Variants in INPP4B observed in about 807,000 individuals in gnomAD.
INPP4B encodes inositol polyphosphate 4-phosphatase type II.
Under a neutral mutation model 122.5 loss-of-function variants are expected in INPP4B, and 55 were observed. That is an observed-to-expected ratio of 0.45 (90% CI 0.36 to 0.56). INPP4B has a LOEUF of 0.56. INPP4B is among the 20% of genes least tolerant of loss of function. INPP4B has a pLI of 0.00. For synonymous variants in INPP4B, 403 were observed against 388.7 expected (o/e 1.04, Z -0.43); for missense variants, 1,000 against 1,097.7 (o/e 0.91, Z 1.26).
At chr4:142,673,921 C>T (rs1018850620) in intron 2 of INPP4B, among the ~76,000 whole-genome samples, 1 of 152,246 alleles carries the variant, frequency 6.6e-6, no homozygotes, top group South Asian at 2.1e-4. Context: ...TTTCAGGCCC[C>T]AGGAACTCAT....
chr4:142,061,011 G>A (rs754888943), intron 25 of INPP4B, among the ~76,000 whole-genome samples: 6 of 152,132 alleles, frequency 3.9e-5, no homozygotes, highest in Admixed American at 2.0e-4. Context: ...GAGTTGGACC[G>A]ACTTTCACAT....
chr4:142,545,821 G>GTATATATATATATATATATATATATA (rs70949172), intron 2 of INPP4B, among the ~76,000 whole-genome samples: 2 of 111,920 alleles, frequency 1.8e-5, no homozygotes, highest in African/African-American at 3.7e-5. Context: ...ATACATGTGT[G>GTATATATATATATATATATATATATA]TATATATATA....
intron 9 of INPP4B, among the ~76,000 whole-genome samples, chr4:142,277,109 T>C (rs1184480086): frequency 6.6e-6 from 1 of 152,012 alleles, no homozygotes; most frequent in Non-Finnish European, 1.5e-5. Context: ...TATATGTTTG[T>C]TAGTCATTTG....
intron 23 of INPP4B, among the ~76,000 whole-genome samples, chr4:142,090,728 T>A (rs1387957339): frequency 2.0e-5 from 3 of 152,120 alleles, no homozygotes; most frequent in Non-Finnish European, 4.4e-5. Context: ...AAATGGAGTT[T>A]AAGAAAGTAT....
At chr4:142,732,417 AATG>A (rs1397636481) in intron 1 of INPP4B, among the ~76,000 whole-genome samples, 2 of 152,060 alleles carry the variant, frequency 1.3e-5, no homozygotes, top group East Asian at 3.8e-4. Flanking sequence ...TCTTTTAATA[AATG>A]ATGAAATACA....
At chr4:142,288,760 CAACACCTCTA>C (rs1257484688) in intron 9 of INPP4B, among the ~76,000 whole-genome samples, 7 of 152,026 alleles carry the variant, frequency 4.6e-5, no homozygotes, top group Non-Finnish European at 1.0e-4. Flanking sequence ...GTAATTTGCT[CAACACCTCTA>C]AACTTATTTT....
chr4:142,135,769 G>GT (rs143067447), intron 18 of INPP4B, among the ~76,000 whole-genome samples: 4 of 151,894 alleles, frequency 2.6e-5, no homozygotes, highest in Non-Finnish European at 5.9e-5. Flanking sequence ...CTGTCAGGGT[G>GT]TTTTTTGTTT....
At chr4:142,440,784 G>A (rs1243289225) in intron 3 of INPP4B, among the ~76,000 whole-genome samples, 1 of 152,094 alleles carries the variant, frequency 6.6e-6, no homozygotes, top group Non-Finnish European at 1.5e-5. Context: ...GACGTTATAA[G>A]ATACACATAT....
chr4:142,597,589 A>T (rs1335666790), intron 2 of INPP4B, among the ~76,000 whole-genome samples: 7 of 152,338 alleles, frequency 4.6e-5, no homozygotes, highest in African/African-American at 1.7e-4. Context: ...GGTGGTTGTC[A>T]GCAGGTTTCA....
chr4:142,590,577 T>C (rs1560837365), intron 2 of INPP4B, among the ~76,000 whole-genome samples: 1 of 152,110 alleles, frequency 6.6e-6, no homozygotes, highest in Admixed American at 6.6e-5. Flanking sequence ...TTTCTCATTG[T>C]TGGAAAGGGA....
chr4:142,630,141 C>T (rs984717991), intron 2 of INPP4B, among the ~76,000 whole-genome samples: 4 of 152,034 alleles, frequency 2.6e-5, no homozygotes, highest in Admixed American at 2.6e-4. Flanking sequence ...AAAGCTTGTC[C>T]AAAGTAGGGT....
rs148967346 is a variant in INPP4B at position 142,706,815 on chromosome 4, A to G, written c.-191+19024T>C. On this transcript the variant is annotated intron_variant, in intron 2 of 25. Coordinates refer to ENST00000262992, the MANE Select transcript of INPP4B (RefSeq NM_001101669.3). ...TTAAAGGAGAATACAGGCCTTGTCT[A>G]AAGACGCTAAATATTGCTCAACTCC... Among the ~76,000 whole-genome samples the G allele has an allele frequency of 3.2e-3, 491 of 152,358 alleles. 2 individuals carry two copies. The highest frequency in any genetic ancestry group is 0.011 in the African/African-American group (451 of 41,588).
chr4:142,167,722 T>C (rs1183533638), intron 16 of INPP4B, among the ~76,000 whole-genome samples: 1 of 151,758 alleles, frequency 6.6e-6, no homozygotes, highest in Non-Finnish European at 1.5e-5. Flanking sequence ...ATTGGTATTA[T>C]TTTTATTTGG....
intron 2 of INPP4B, among the ~76,000 whole-genome samples, chr4:142,632,931 AAAT>A (rs1748297619): frequency 3.3e-5 from 5 of 151,778 alleles, no homozygotes; most frequent in Non-Finnish European, 4.4e-5. Flanking sequence ...AAAAAATTTT[AAAT>A]AATAATAAAC....
At chr4:142,124,298 A>T (rs1561206107) in intron 19 of INPP4B, among the ~76,000 whole-genome samples, 1 of 152,122 alleles carries the variant, frequency 6.6e-6, no homozygotes, top group Non-Finnish European at 1.5e-5. Context: ...ATCCCAGAGC[A>T]TAATACAAAG....
At chr4:142,057,132 A>ACACTGGGAG (rs1553959652) in intron 25 of INPP4B, among the ~76,000 whole-genome samples, 8 of 151,704 alleles carry the variant, frequency 5.3e-5, no homozygotes, top group African/African-American at 1.2e-4. Context: ...GGAAGTAATT[A>ACACTGGGAG]CATTGGGAGA....
At chr4:142,531,871 A>C (rs899528408) in intron 2 of INPP4B, among the ~76,000 whole-genome samples, 107 of 152,314 alleles carry the variant, frequency 7.0e-4, no homozygotes, top group African/African-American at 2.5e-3. Flanking sequence ...TAATTTTAAA[A>C]TATTGACTAA....
intron 7 of INPP4B, among the ~76,000 whole-genome samples, chr4:142,337,257 T>C (rs977934494): frequency 6.6e-5 from 10 of 152,068 alleles, no homozygotes; most frequent in African/African-American, 2.4e-4. Flanking sequence ...TTAGCTGCAG[T>C]GAACTGCTGC....
intron 2 of INPP4B, among the ~76,000 whole-genome samples, chr4:142,472,578 T>A (rs535599176): frequency 1.3e-5 from 2 of 152,332 alleles, no homozygotes; most frequent in East Asian, 3.9e-4. Flanking sequence ...TATGTTCCCA[T>A]TTTAGATCCC....
Sources: allele counts gnomAD v4.1 joint callset (sites outside exome capture counted in the v4.1 genomes callset), GRCh38; gene constraint gnomAD v4.1.1; transcripts MANE v1.5; gene names NCBI Gene and HGNC (gene_info 2026-07-23, HGNC 2026-07-21).